GSDME: variants seen among roughly 807,000 people sequenced by gnomAD.
The protein encoded by GSDME is gasdermin-E.
A neutral mutation model predicts 47.5 loss-of-function variants in GSDME; 44 were observed. The observed-to-expected ratio is 0.93, with a 90% CI of 0.73 to 1.19. The LOEUF (loss-of-function observed/expected upper bound fraction) is 1.19, where lower values mean the gene tolerates loss of function less well. Among genes scored for constraint, GSDME ranks in the 50% most tolerant of loss-of-function variants. The probability of loss-of-function intolerance (pLI) is 0.00; values close to 1 mark genes in which losing one functional copy is unlikely to be tolerated. For missense variants in GSDME, 663 were observed against 604.2 expected, an observed-to-expected ratio of 1.10 and a Z score of -1.02; for synonymous variants, 258 against 252.8, an observed-to-expected ratio of 1.02 and a Z score of -0.20.
the GSDME span, among the ~76,000 whole-genome samples, chr7:24,777,812 C>A: frequency 1.3e-5 from 2 of 152,092 alleles, no homozygotes; most frequent in Non-Finnish European, 2.9e-5. Context: ...GCAGGAGGAT[C>A]GCTTGAGCCC....
At position 24,708,137 on chromosome 7, in the gene GSDME, A is replaced by G. The variant is rs772165478; in HGVS notation, c.980T>C (p.Leu327Pro). ...VLFDDELLMV[L>P]EPVCDDLVSG... The stretch of plus-strand genomic sequence containing the variant: ...TGTCTCAGGGCTCACCACTGGTTCC[A>G]GGACCATGAGTAGTTCATCATCAAA... Residue 327 changes from leucine to proline, a missense_variant, in exon 7 of 10, where the codon CTG becomes CCG. Physicochemically the swap from Leu to Pro is moderately conservative, Grantham distance 98. Transcript: ENST00000645220. 55 of 1,614,054 alleles carry G rather than the reference A, an allele frequency of 3.4e-5. No homozygotes were observed. Among genetic ancestry groups the G allele is most frequent in the Non-Finnish European group, 4.4e-5 (52 of 1,180,026 alleles).
In GSDME at chr7:24,721,002, G is replaced by A. The variant is rs1230251827; in HGVS notation, c.405-1784C>T. 2.6e-5 allele frequency among the ~76,000 whole-genome samples: 4 copies of A among 151,894 alleles called. No homozygotes were observed. Among genetic ancestry groups the A allele is most frequent in the African/African-American group, 7.3e-5 (3 of 41,352 alleles). ...CAAGTAACACACTCCAGGGACAAAT[G>A]AGCAATATTGTGTGGTTCCTCATAT... On this transcript the variant is annotated intron_variant, in intron 3 of 9. Transcript: ENST00000645220. The surrounding 1 kb of genome is among the most constrained non-coding windows in gnomAD (Gnocchi z 4.1).
intron 7 of GSDME, chr7:24,707,815 A>G: frequency 1.9e-6 from 1 of 537,334 alleles, no homozygotes. Flanking sequence ...TCTCTCCTAG[A>G]TCCTCTGGGG....
intron 1 of GSDME, among the ~76,000 whole-genome samples, chr7:24,753,352 C>T (rs771462992): frequency 6.6e-6 from 1 of 152,232 alleles, no homozygotes; most frequent in Non-Finnish European, 1.5e-5. Flanking sequence ...TGCTCAGCAT[C>T]TTGCTTTCTG....
the GSDME span, among the ~76,000 whole-genome samples, chr7:24,768,734 C>T: frequency 9.2e-5 from 14 of 152,314 alleles, no homozygotes; most frequent in South Asian, 4.1e-4. This position sits in a 1 kb window ranked among gnomAD's most constrained non-coding sequence, Gnocchi z 5.6. Flanking sequence ...GGGAGCACCA[C>T]CTTAAAGCAA....
chr7:24,707,117 C>G (rs1789143054), intron 7 of GSDME, among the ~76,000 whole-genome samples: 6 of 152,192 alleles, frequency 3.9e-5, no homozygotes, highest in Admixed American at 3.9e-4. Context: ...GGGACTGTTT[C>G]AATAACAGGT....
At chr7:24,709,425 A>T (rs767085950) in intron 6 of GSDME, among the ~76,000 whole-genome samples, 2 of 152,196 alleles carry the variant, frequency 1.3e-5, no homozygotes, top group Non-Finnish European at 1.5e-5. Context: ...TTATATTAAA[A>T]TTGGGCCTTT....
chr7:24,753,154 G>A (rs918497849), intron 1 of GSDME, among the ~76,000 whole-genome samples: 1 of 152,122 alleles, frequency 6.6e-6, no homozygotes, highest in Non-Finnish European at 1.5e-5. Flanking sequence ...AGTTAAAGTT[G>A]GAGGTTTCTT....
the GSDME span, among the ~76,000 whole-genome samples, chr7:24,783,355 G>A: frequency 6.6e-6 from 1 of 152,118 alleles, no homozygotes; most frequent in African/African-American, 2.4e-5. Context: ...GACAGTAAGG[G>A]AGCCTTAGAA....
intron 9 of GSDME, among the ~76,000 whole-genome samples, chr7:24,701,196 C>T (rs964025611): frequency 2.0e-5 from 3 of 152,198 alleles, no homozygotes; most frequent in African/African-American, 7.2e-5. Flanking sequence ...AGGAGGCAGA[C>T]ACCTCGATGT....
intron 7 of GSDME, among the ~76,000 whole-genome samples, chr7:24,706,724 A>G (rs1173669983): frequency 1.3e-5 from 2 of 152,202 alleles, no homozygotes; most frequent in East Asian, 1.9e-4. Context: ...CTTGGTTCTC[A>G]TGCGTTAAGC....
At chr7:24,701,487 A>T (rs890286186) in intron 9 of GSDME, among the ~76,000 whole-genome samples, 53 of 152,068 alleles carry the variant, frequency 3.5e-4, no homozygotes, top group African/African-American at 1.2e-3. Flanking sequence ...TAACAGTTAG[A>T]TAACATGGGC....
chr7:24,698,415 G>C lies in GSDME; in HGVS notation c.*611C>G, dbSNP rs772614606. The C allele has an allele frequency of 1.1e-4, 17 of 161,334 alleles. No homozygotes were observed. The highest frequency in any genetic ancestry group is 2.3e-4 in the Non-Finnish European group (17 of 73,716). The allele number at this position is 161,334 out of a possible 1,614,324, so 10.0% of individuals were successfully genotyped here. A position where few individuals can be genotyped will look rare whatever the true frequency, so the allele number is the denominator to read the frequency against. ...ATACATAGGAAATCAACATGTGCTA[G>C]ACATAGAATTAGTATGTTCACTGAA... On this transcript the variant is annotated 3_prime_UTR_variant, in exon 10 of 10. Coordinates refer to ENST00000645220, the MANE Select transcript of GSDME (RefSeq NM_001127453.2).
chr7:24,742,151 C>T lies in GSDME; in HGVS notation c.404+2411G>A, dbSNP rs868360843. 6.6e-6 allele frequency among the ~76,000 whole-genome samples: 1 copy of T among 152,308 alleles called. No homozygotes were observed. Among genetic ancestry groups the T allele is most frequent in the African/African-American group, 2.4e-5 (1 of 41,560 alleles). The stretch of plus-strand genomic sequence containing the variant: ...CACATGTGCCTGCTCAGGATAGTTT[C>T]TATTCCATGATTCACCCACCAAGTA... On this transcript the variant is annotated intron_variant, in intron 3 of 9. Coordinates refer to ENST00000645220, the MANE Select transcript of GSDME (RefSeq NM_001127453.2). The surrounding 1 kb of genome is among the most constrained non-coding windows in gnomAD (Gnocchi z 4.4).
At chr7:24,710,098 CCT>C in intron 6 of GSDME, 124 bp downstream of exon 6, 1 of 1,099,966 alleles carries the variant, frequency 9.1e-7, no homozygotes, top group East Asian at 2.4e-5. Flanking sequence ...GGCGGCATCA[CCT>C]CTCTTCTCAT....
chr7:24,698,707 G>T lies in GSDME; in HGVS notation c.*319C>A, dbSNP rs915622012. 1 of 385,034 alleles carries T rather than the reference G, an allele frequency of 2.6e-6. No individual in the cohort carries two copies. Among genetic ancestry groups the T allele is most frequent in the South Asian group, 2.4e-5 (1 of 42,420 alleles). The allele number at this position is 385,034 out of a possible 1,614,324, so 23.9% of individuals were successfully genotyped here. ...CTTTCTATGTAACAAAAAGTGGAATGCAAGTGACAGATGGACTTATTATTG... is the reference window on the plus strand; with the variant it reads ...CTTTCTATGTAACAAAAAGTGGAATTCAAGTGACAGATGGACTTATTATTG... On this transcript the variant is annotated 3_prime_UTR_variant, in exon 10 of 10. Transcript: ENST00000645220.
chr7:24,738,485 T>C (rs1790380666), intron 3 of GSDME, among the ~76,000 whole-genome samples: 1 of 152,100 alleles, frequency 6.6e-6, no homozygotes, highest in Admixed American at 6.5e-5. Context: ...ACAAAAAACA[T>C]GGAAAGATGT....
At chr7:24,775,021 T>C in the GSDME span, among the ~76,000 whole-genome samples, 52 of 152,314 alleles carry the variant, frequency 3.4e-4, no homozygotes, top group Admixed American at 3.3e-4. Flanking sequence ...GATTTTGCCA[T>C]CTCTGTGGTT....
At chr7:24,753,107 CT>C (rs1790908549) in intron 1 of GSDME, among the ~76,000 whole-genome samples, 1 of 151,908 alleles carries the variant, frequency 6.6e-6, no homozygotes, top group Admixed American at 6.6e-5. Context: ...TAGACTCAGA[CT>C]TTTTAATCAT....
Sources: allele counts gnomAD v4.1 joint callset (sites outside exome capture counted in the v4.1 genomes callset), GRCh38; gene constraint gnomAD v4.1.1; non-coding constraint Gnocchi (gnomAD v3.1); transcripts MANE v1.5; gene names NCBI Gene and HGNC (gene_info 2026-07-23, HGNC 2026-07-21).